The following PPP6R1 variants were observed in gnomAD, a reference collection of about 807,000 sequenced individuals.
PPP6R1 encodes protein phosphatase 6 regulatory subunit 1.
Under a neutral mutation model 104.6 loss-of-function variants are expected in PPP6R1, and 39 were observed. The observed-to-expected ratio is 0.37, with a 90% CI of 0.29 to 0.49. The LOEUF is 0.49. Among genes scored for constraint, PPP6R1 ranks in the 20% least tolerant of loss-of-function variants. The pLI, the probability that PPP6R1 is intolerant of heterozygous loss-of-function variation, is 0.98. For missense variants in PPP6R1, 1,181 were observed against 1,155.8 expected (o/e 1.02, Z -0.32); for synonymous variants, 549 against 479.0 (o/e 1.15, Z -1.91).
intron 1 of PPP6R1, among the ~76,000 whole-genome samples, chr19:55,254,540 C>G (rs1166050424): frequency 1.3e-5 from 2 of 152,150 alleles, no homozygotes; most frequent in Non-Finnish European, 2.9e-5. Context: ...AGCTCTGCCG[C>G]CAGGGAACCG....
chr19:55,252,306 C>G (rs565960056), intron 1 of PPP6R1, among the ~76,000 whole-genome samples: 1 of 145,390 alleles, frequency 6.9e-6, no homozygotes. Context: ...CTCGGCTCAC[C>G]GCAACCTCCA....
chr19:55,243,174 G>T (rs1388337354), intron 5 of PPP6R1, among the ~76,000 whole-genome samples: 1 of 152,148 alleles, frequency 6.6e-6, no homozygotes, highest in Non-Finnish European at 1.5e-5. Context: ...CAGCACTTTG[G>T]GAGGCCGAGG....
rs1297612856 is a variant in PPP6R1 at position 55,241,255 on chromosome 19, A to G, written c.1145T>C (p.Val382Ala). 1 of 1,564,426 alleles carries G rather than the reference A, an allele frequency of 6.4e-7. No individual in the cohort carries two copies. Among genetic ancestry groups the G allele is most frequent in the African/African-American group, 1.4e-5 (1 of 72,744 alleles). Residue 382 changes from valine (V) to alanine (A), a missense_variant, in exon 9 of 24, where the codon GTG (valine) becomes GCG (alanine). Around this residue, in one of 2 missense-constraint regions of PPP6R1, gnomAD observed 1,042 missense variants for 955.6 expected, o/e 1.09. Transcript: ENST00000412770. The surrounding 1 kb of genome is among the most constrained non-coding windows in gnomAD (Gnocchi z 5.4). ...TCCCCGCACCAGCATGGTGTTGGGC[A>G]CGTCCAGTGCCAGGAGCTCGTGCGT... ...ALTHELLALD[V>A]PNTMLDLFFH...
At position 55,231,508 on chromosome 19, in the gene PPP6R1, A is replaced by T; in HGVS notation, c.2378-17T>A. The T allele has an allele frequency of 6.2e-7, 1 of 1,602,170 alleles. No individual in the cohort carries two copies. Among genetic ancestry groups the T allele is most frequent in the Non-Finnish European group, 8.5e-7 (1 of 1,173,972 alleles). On this transcript the variant is annotated splice_polypyrimidine_tract_variant and intron_variant, in intron 20 of 23. Transcript: ENST00000412770. ...GGCAAGGGGCTGTGGGGGATAAGAG[A>T]TCTCAGCTGCAGCTCCCAGCAAGCT...
At chr19:55,239,328 A>G (rs1185867364) in intron 15 of PPP6R1, 77 bp downstream of exon 15, 3 of 1,390,486 alleles carry the variant, frequency 2.2e-6, no homozygotes, top group East Asian at 2.4e-5. Context: ...AGGTGCGTGC[A>G]GGGGACAGAT....
intron 1 of PPP6R1, among the ~76,000 whole-genome samples, chr19:55,257,495 G>T (rs1174358690): frequency 6.6e-6 from 1 of 152,128 alleles, no homozygotes; most frequent in East Asian, 1.9e-4. Flanking sequence ...GAACTACTCT[G>T]CCCCTCACCC....
At position 55,241,584 on chromosome 19, in the gene PPP6R1, G is replaced by C; in HGVS notation, c.901C>G (p.Leu301Val). ...CTTTCCAGGGCCCCCTGGGCCAGGA[G>C]CTCCAGCTGCCCATCCACACTGCTG... ...FFSSVDGQLE[L>V]LAQGALESTV... The change falls in exon 8 of 24, where the codon CTC becomes GTC. Residue 301 changes from leucine (L) to valine (V), a missense_variant. Leu to Val is a conservative substitution (Grantham distance 32, BLOSUM62 1). Around this residue, in one of 2 missense-constraint regions of PPP6R1, gnomAD observed 1,042 missense variants for 955.6 expected, o/e 1.09. Transcript: ENST00000412770. The surrounding 1 kb of genome is among the most constrained non-coding windows in gnomAD (Gnocchi z 5.4). The C allele has an allele frequency of 6.3e-7, 1 of 1,585,332 alleles. No homozygotes were observed. Among genetic ancestry groups the C allele is most frequent in the South Asian group, 1.2e-5 (1 of 86,828 alleles).
intron 17 of PPP6R1, among the ~76,000 whole-genome samples, chr19:55,234,675 G>A (rs954859243): frequency 5.3e-5 from 8 of 151,832 alleles, no homozygotes; most frequent in Admixed American, 3.3e-4. Flanking sequence ...TCACAGCAGC[G>A]AGCAACAGGA....
chr19:55,243,366 T>C (rs1040032773), intron 5 of PPP6R1, among the ~76,000 whole-genome samples: 10 of 138,896 alleles, frequency 7.2e-5, no homozygotes, highest in Admixed American at 5.3e-4. Context: ...TGAGCCGAGA[T>C]CGTGCCACTG....
intron 17 of PPP6R1, chr19:55,233,075 G>A (rs1008751117): frequency 3.3e-5 from 5 of 152,112 alleles, no homozygotes; most frequent in Admixed American, 2.6e-4. Context: ...CTAAACATAG[G>A]AAAAATACAG....
At chr19:55,247,198 C>A in intron 1 of PPP6R1, 89 bp from the exon 2 acceptor site, 3 of 1,334,718 alleles carry the variant, frequency 2.2e-6, no homozygotes, top group Non-Finnish European at 3.2e-6. Context: ...TGAGTGCCCA[C>A]CTTGGGCACA....
downstream of PPP6R1, chr19:55,229,292 G>A (rs151242238): frequency 2.7e-4 from 43 of 157,188 alleles, no homozygotes; most frequent in Non-Finnish European, 4.9e-4. Flanking sequence ...CGGGGAACAA[G>A]CACCCTCTCC....
At chr19:55,242,330 T>A (rs1470756211) in intron 6 of PPP6R1, 46 bp downstream of exon 6, 1 of 1,612,492 alleles carries the variant, frequency 6.2e-7, no homozygotes, top group Non-Finnish European at 8.5e-7. Flanking sequence ...GCCCAGGGCT[T>A]CCCCAAGTCA....
In PPP6R1 at chr19:55,232,410, G is replaced by A. The variant is rs3815957; in HGVS notation, c.1989-199C>T. The stretch of plus-strand genomic sequence containing the variant: ...GTTCTGAGCCAACGGCAAGAACACA[G>A]GCGGGCAGGGACAGAATGCGGCCGT... On this transcript the variant is annotated intron_variant, in intron 17 of 23. Coordinates refer to ENST00000412770, the MANE Select transcript of PPP6R1 (RefSeq NM_014931.4). The A allele has an allele frequency of 9.9e-5, 71 of 719,962 alleles. No homozygotes were observed. The East Asian group carries it at 2.1e-3, about 21-fold the overall frequency. 44.6% of individuals were successfully genotyped at this position (719,962 alleles called of 1,614,324 possible).
intron 19 of PPP6R1, 63 bp downstream of exon 19, chr19:55,231,739 C>G (rs1180130792): frequency 2.2e-5 from 33 of 1,499,702 alleles, no homozygotes; most frequent in Non-Finnish European, 2.7e-5. Flanking sequence ...GGACGGGGAC[C>G]CCATGGCCAC....
Position 55,242,211 on chromosome 19 carries a change from C to T in PPP6R1, c.800G>A (p.Ser267Asn). The stretch of plus-strand genomic sequence containing the variant: ...CAGGGTCAGCAGCACCTGGATCCCA[C>T]TGACGATGACAGACTGGCTCTGCTC... ...EGEQSQSVIV[S>N]GIQVLLTLLE... The change falls in exon 7 of 24, where the codon AGT (serine) becomes AAT (asparagine). Residue 267 changes from serine to asparagine, a missense_variant. Physicochemically the swap from Ser to Asn is conservative, Grantham distance 46 (BLOSUM62 1). This residue lies in a region of PPP6R1 where 1,042 missense variants were observed against 955.6 expected (regional missense o/e 1.09). Coordinates refer to ENST00000412770, the MANE Select transcript of PPP6R1 (RefSeq NM_014931.4). 6 of 1,613,914 alleles carry T rather than the reference C, an allele frequency of 3.7e-6. No homozygotes were observed. Among genetic ancestry groups the T allele is most frequent in the Non-Finnish European group, 5.1e-6 (6 of 1,179,870 alleles).
At chr19:55,229,049 G>A (rs2087312686), downstream of PPP6R1, 2 of 324,790 alleles carry the variant, frequency 6.2e-6, no homozygotes, top group Admixed American at 7.7e-5. Flanking sequence ...AATCAGAAGA[G>A]ATGGGGTGCA....
In PPP6R1 at chr19:55,245,255, C is replaced by A. The variant is rs753262997; in HGVS notation, c.552+10G>T. On this transcript the variant is annotated intron_variant, in intron 4 of 23. Transcript: ENST00000412770. This position sits in a 1 kb window ranked among gnomAD's most constrained non-coding sequence, Gnocchi z 6.4. ...AGCCCCCCACCCCCAGAGGAGCCGG[C>A]CCTGCTCACATTGACAACATCCTGC... 2.5e-6 allele frequency: 4 copies of A among 1,596,266 alleles called. No individual in the cohort carries two copies. In the Admixed American group the frequency reaches 7.0e-5, roughly 28 times the overall value.
At chr19:55,232,410 G>C (rs3815957) in intron 17 of PPP6R1, 199 bp from the exon 18 acceptor site, 3 of 719,844 alleles carry the variant, frequency 4.2e-6, no homozygotes, top group Non-Finnish European at 6.4e-6. Context: ...CAAGAACACA[G>C]GCGGGCAGGG....
Sources: allele counts gnomAD v4.1 joint callset (sites outside exome capture counted in the v4.1 genomes callset), GRCh38; gene constraint gnomAD v4.1.1; regional missense constraint gnomAD v4.1.1; non-coding constraint Gnocchi (gnomAD v3.1); transcripts MANE v1.5; gene names NCBI Gene and HGNC (gene_info 2026-07-23, HGNC 2026-07-21).